PPM1L: variants seen among roughly 807,000 people sequenced by gnomAD.
The protein encoded by PPM1L is protein phosphatase, Mg2+/Mn2+ dependent 1L.
A neutral mutation model predicts 31.4 loss-of-function variants in PPM1L; 13 were observed. The observed-to-expected ratio is 0.41, with a 90% CI of 0.27 to 0.66. The LOEUF (loss-of-function observed/expected upper bound fraction) is 0.66. Among genes scored for constraint, PPM1L ranks in the 30% least tolerant of loss-of-function variants. The probability of loss-of-function intolerance (pLI) is 0.29; values close to 1 mark genes in which losing one functional copy is unlikely to be tolerated. For synonymous variants in PPM1L, 184 were observed against 175.4 expected (o/e 1.05, Z -0.39); for missense variants, 326 against 453.7 (o/e 0.72, Z 2.56).
intron 1 of PPM1L, among the ~76,000 whole-genome samples, chr3:160,886,475 G>A (rs1712920163): frequency 6.6e-6 from 1 of 152,180 alleles, no homozygotes; most frequent in African/African-American, 2.4e-5. Context: ...TGCCCCTTGA[G>A]GTCAGAGATC....
At chr3:160,906,629 A>AAGAAC (rs10688572) in intron 1 of PPM1L, among the ~76,000 whole-genome samples, 58,112 of 141,924 alleles carry the variant, frequency 0.41, 16,662 homozygotes, top group Non-Finnish European at 0.57. Flanking sequence ...AAGAAAAGAA[A>AAGAAC]AGAACCCAGG....
intron 1 of PPM1L, among the ~76,000 whole-genome samples, chr3:160,771,740 A>G (rs1446699353): frequency 6.6e-6 from 1 of 151,934 alleles, no homozygotes; most frequent in Admixed American, 6.6e-5. Flanking sequence ...TTGTAATGCC[A>G]TATTGAAAGC....
intron 2 of PPM1L, among the ~76,000 whole-genome samples, chr3:160,981,677 C>T (rs888390042): frequency 6.6e-6 from 1 of 152,074 alleles, no homozygotes; most frequent in African/African-American, 2.4e-5. Flanking sequence ...AATATCTACT[C>T]TTACTCTTCC....
At chr3:160,938,414 C>A (rs149286598) in intron 1 of PPM1L, among the ~76,000 whole-genome samples, 5 of 152,192 alleles carry the variant, frequency 3.3e-5, no homozygotes, top group African/African-American at 1.2e-4. Context: ...TTTAACCTTG[C>A]GAGATTACCA....
intron 1 of PPM1L, among the ~76,000 whole-genome samples, chr3:160,951,737 T>A (rs1483911535): frequency 1.3e-5 from 2 of 152,206 alleles, no homozygotes; most frequent in Non-Finnish European, 2.9e-5. Flanking sequence ...AGGAATTGTC[T>A]GGGATAATCT....
chr3:161,068,502 G>C (rs1719809252), intron 3 of PPM1L, among the ~76,000 whole-genome samples: 1 of 152,130 alleles, frequency 6.6e-6, no homozygotes, highest in Non-Finnish European at 1.5e-5. Flanking sequence ...GCTCTCTACT[G>C]TCAATCACTG....
At chr3:160,780,025 G>C (rs1444915587) in intron 1 of PPM1L, among the ~76,000 whole-genome samples, 1 of 151,574 alleles carries the variant, frequency 6.6e-6, no homozygotes, top group African/African-American at 2.4e-5. Context: ...ATAAATGCTA[G>C]CTTTTTTTTT....
chr3:160,791,648 A>G (rs1328072241), intron 1 of PPM1L, among the ~76,000 whole-genome samples: 2 of 152,180 alleles, frequency 1.3e-5, no homozygotes, highest in Non-Finnish European at 2.9e-5. Context: ...GTGGATAGGA[A>G]GAGAGAATAA....
intron 2 of PPM1L, among the ~76,000 whole-genome samples, chr3:161,003,421 A>G (rs1717579196): frequency 6.6e-6 from 1 of 151,842 alleles, no homozygotes; most frequent in East Asian, 1.9e-4. Flanking sequence ...TCTATAAATT[A>G]CCTTGGGCAG....
At chr3:161,039,722 G>A (rs1454458149) in intron 2 of PPM1L, among the ~76,000 whole-genome samples, 1 of 151,988 alleles carries the variant, frequency 6.6e-6, no homozygotes, top group African/African-American at 2.4e-5. Flanking sequence ...GGGTTTCACT[G>A]TGTTAGGATG....
intron 2 of PPM1L, among the ~76,000 whole-genome samples, chr3:160,977,781 A>G (rs1019515368): frequency 8.5e-5 from 13 of 152,252 alleles, no homozygotes; most frequent in South Asian, 2.1e-4. Flanking sequence ...TAAGCATCCA[A>G]TTTCTCCTAA....
At chr3:160,763,718 A>G (rs969557791) in intron 1 of PPM1L, among the ~76,000 whole-genome samples, 4 of 152,198 alleles carry the variant, frequency 2.6e-5, no homozygotes, top group Non-Finnish European at 5.9e-5. Flanking sequence ...TGTTCCTCCA[A>G]ACTATGTGGA....
chr3:160,934,906 C>T (rs1373447505), intron 1 of PPM1L, among the ~76,000 whole-genome samples: 1 of 151,940 alleles, frequency 6.6e-6, no homozygotes, highest in Non-Finnish European at 1.5e-5. Flanking sequence ...TGAGATTGTG[C>T]CATCACACTC....
At chr3:160,905,902 C>T (rs1456447145) in intron 1 of PPM1L, among the ~76,000 whole-genome samples, 1 of 152,068 alleles carries the variant, frequency 6.6e-6, no homozygotes, top group Non-Finnish European at 1.5e-5. Flanking sequence ...GAATGCTTTA[C>T]ATTTTAATTG....
intron 1 of PPM1L, among the ~76,000 whole-genome samples, chr3:160,842,769 C>G (rs959822110): frequency 2.0e-5 from 3 of 152,122 alleles, no homozygotes; most frequent in Non-Finnish European, 2.9e-5. Flanking sequence ...TCCAGATTGT[C>G]ACAGATTTTG....
intron 3 of PPM1L, among the ~76,000 whole-genome samples, chr3:161,067,735 T>C (rs116128168): frequency 9.9e-4 from 151 of 152,332 alleles, no homozygotes; most frequent in Non-Finnish European, 1.7e-3. Context: ...GACTGGGTTT[T>C]ATGCTCTTGC....
chr3:161,065,304 A>G lies in PPM1L; in HGVS notation c.575-99A>G, dbSNP rs567814901. The G allele has an allele frequency of 4.2e-6, 5 of 1,203,250 alleles. No homozygotes were observed. In the African/African-American group the frequency reaches 7.6e-5, roughly 18 times the overall value. 74.5% of individuals were successfully genotyped at this position (1,203,250 alleles called of 1,614,324 possible). ...CTGGAGTCAAATTCTCACCCAGCAG[A>G]AGCAATTTTAATGACTGAAGAATCC... is the stretch of plus-strand genomic sequence containing the variant. On this transcript the variant is annotated intron_variant, in intron 2 of 3. Coordinates refer to ENST00000498165, the MANE Select transcript of PPM1L (RefSeq NM_139245.4).
intron 1 of PPM1L, among the ~76,000 whole-genome samples, chr3:160,934,771 G>A (rs1384243945): frequency 1.3e-5 from 2 of 152,076 alleles, no homozygotes; most frequent in African/African-American, 2.4e-5. Context: ...TGGGCAATGT[G>A]GTGAAACCCT....
chr3:161,046,707 C>T (rs568503926), intron 2 of PPM1L, among the ~76,000 whole-genome samples: 2 of 152,220 alleles, frequency 1.3e-5, no homozygotes, highest in South Asian at 4.1e-4. Flanking sequence ...ACTGGCAAAC[C>T]GAATCCAGCA....
Sources: gnomAD v4.1 joint callset for allele counts (sites outside exome capture counted in the v4.1 genomes callset) on GRCh38, gnomAD v4.1.1 for gene constraint, MANE v1.5 for transcripts, NCBI Gene and HGNC (gene_info 2026-07-23, HGNC 2026-07-21) for gene names.